THRB: variants seen among roughly 807,000 people sequenced by gnomAD.
THRB encodes the protein nuclear receptor subfamily 1 group A member 2.
A neutral mutation model predicts 47.8 loss-of-function variants in THRB; 12 were observed. The observed-to-expected ratio is 0.25, with a 90% CI of 0.16 to 0.41. The LOEUF (loss-of-function observed/expected upper bound fraction) is 0.41. THRB is among the 10% of genes least tolerant of loss of function. THRB has a pLI of 1.00. For synonymous variants in THRB, 218 were observed against 212.2 expected (o/e 1.03, Z -0.24); for missense variants, 348 against 589.2 (o/e 0.59, Z 4.24).
At chr3:24,417,510 G>A (rs1473762201) in intron 1 of THRB, among the ~76,000 whole-genome samples, 2 of 151,890 alleles carry the variant, frequency 1.3e-5, no homozygotes, top group Non-Finnish European at 2.9e-5. Flanking sequence ...GACGATTGAT[G>A]TATGATGACC....
chr3:24,317,929 G>A (rs1461600321), intron 2 of THRB, among the ~76,000 whole-genome samples: 1 of 152,080 alleles, frequency 6.6e-6, no homozygotes, highest in African/African-American at 2.4e-5. Flanking sequence ...ATGGTGGTGT[G>A]TGACTGGAGT....
chr3:24,228,273 C>T (rs1374908664), intron 4 of THRB, among the ~76,000 whole-genome samples: 2 of 152,160 alleles, frequency 1.3e-5, no homozygotes, highest in African/African-American at 4.8e-5. Flanking sequence ...CTATTGCAAC[C>T]TTGTATTCCT....
intron 3 of THRB, among the ~76,000 whole-genome samples, chr3:24,290,634 T>G (rs2055827588): frequency 1.3e-5 from 2 of 152,188 alleles, no homozygotes; most frequent in Non-Finnish European, 2.9e-5. Flanking sequence ...TAAAATACCT[T>G]AATTAATTAG....
chr3:24,266,054 T>C (rs1315206830), intron 3 of THRB, among the ~76,000 whole-genome samples: 2 of 152,226 alleles, frequency 1.3e-5, no homozygotes, highest in African/African-American at 4.8e-5. Context: ...GGCATTGAAA[T>C]TTTAATCTTC....
chr3:24,172,310 G>A (rs578216322), intron 5 of THRB, among the ~76,000 whole-genome samples: 1 of 152,190 alleles, frequency 6.6e-6, no homozygotes, highest in Admixed American at 6.5e-5. Flanking sequence ...TACCAACGAG[G>A]AAAGCTGCCG....
rs547369385 is a variant in THRB, at chr3:24,393,443, T to C, written c.-260-56072A>G. 1.4e-4 allele frequency among the ~76,000 whole-genome samples: 21 copies of C among 152,186 alleles called. No individual in the cohort carries two copies. In the South Asian group the frequency reaches 3.1e-3, roughly 23 times the overall value. On this transcript the variant is annotated intron_variant, in intron 1 of 10. Transcript: ENST00000646209. ...TCACAGAAAAGTAGCTGAGGGGAGT[T>C]TGGGCTTAGGTTCAGCTTCTTGGCC... is the stretch of plus-strand genomic sequence containing the variant.
chr3:24,360,440 C>T (rs943888381), intron 1 of THRB, among the ~76,000 whole-genome samples: 8 of 152,262 alleles, frequency 5.3e-5, no homozygotes, highest in Admixed American at 2.0e-4. Context: ...GCATTTAATA[C>T]GCAGGCGATG....
At chr3:24,387,441 A>G (rs2066212785) in intron 1 of THRB, among the ~76,000 whole-genome samples, 1 of 152,148 alleles carries the variant, frequency 6.6e-6, no homozygotes, top group African/African-American at 2.4e-5. Flanking sequence ...CACAAAGAGT[A>G]TTATAATTGT....
intron 3 of THRB, among the ~76,000 whole-genome samples, chr3:24,255,223 C>T (rs907497735): frequency 2.6e-4 from 40 of 152,160 alleles, no homozygotes; most frequent in African/African-American, 9.4e-4. Context: ...GTTTGTCTAT[C>T]CATGTATCTA....
chr3:24,397,117 AAAAAGAC>A (rs781170023), intron 1 of THRB, among the ~76,000 whole-genome samples: 1 of 152,138 alleles, frequency 6.6e-6, no homozygotes, highest in Non-Finnish European at 1.5e-5. Flanking sequence ...TTAGTGACAT[AAAAAGAC>A]AAAATATTTT....
chr3:24,137,538 C>T (rs574453006), intron 8 of THRB, among the ~76,000 whole-genome samples: 2 of 152,090 alleles, frequency 1.3e-5, no homozygotes, highest in Non-Finnish European at 2.9e-5. Context: ...AGTAGCTTTC[C>T]TTAGGGCCAG....
At chr3:24,152,007 C>T (rs1202325409) in intron 6 of THRB, among the ~76,000 whole-genome samples, 1 of 152,080 alleles carries the variant, frequency 6.6e-6, no homozygotes, top group Non-Finnish European at 1.5e-5. Context: ...CTGTCTCCTC[C>T]AACACTGTAG....
At chr3:24,243,738 T>A (rs556903198) in intron 3 of THRB, among the ~76,000 whole-genome samples, 1 of 152,116 alleles carries the variant, frequency 6.6e-6, no homozygotes, top group East Asian at 1.9e-4. Flanking sequence ...GACTGTTTTT[T>A]CTCCCTCTGC....
chr3:24,330,164 G>A (rs1304857545), intron 2 of THRB, among the ~76,000 whole-genome samples: 7 of 151,778 alleles, frequency 4.6e-5, no homozygotes, highest in South Asian at 4.2e-4. Context: ...AAAATTAGCC[G>A]GGCGCGGTGG....
rs1448028275 is a variant in THRB at position 24,121,814 on chromosome 3, G to A, written c.*1070C>T. 1 of 152,354 alleles carries A rather than the reference G, an allele frequency of 6.6e-6. No individual in the cohort carries two copies. The highest frequency in any genetic ancestry group is 1.5e-5 in the Non-Finnish European group (1 of 68,082). 9.4% of individuals were successfully genotyped at this position (152,354 alleles called of 1,614,324 possible). On this transcript the variant is annotated 3_prime_UTR_variant, in exon 11 of 11. Transcript: ENST00000646209. ...GGAGGAAGCGTCCTCCAGCCATCAGGACACAAAGGGGCCCTCAGAACACTG... is the reference window on the plus strand; with the variant it reads ...GGAGGAAGCGTCCTCCAGCCATCAGAACACAAAGGGGCCCTCAGAACACTG...
chr3:24,178,385 G>C (rs1163541991), intron 5 of THRB, among the ~76,000 whole-genome samples: 1 of 152,106 alleles, frequency 6.6e-6, no homozygotes, highest in Non-Finnish European at 1.5e-5. Flanking sequence ...CCAGAGCAAA[G>C]GAGGCCAAGG....
intron 3 of THRB, among the ~76,000 whole-genome samples, chr3:24,246,258 C>T (rs1455850261): frequency 6.6e-6 from 1 of 152,098 alleles, no homozygotes; most frequent in Non-Finnish European, 1.5e-5. Flanking sequence ...GACCTAATTC[C>T]GTAGGGTCCT....
chr3:24,342,715 C>T (rs1194486834), intron 1 of THRB, among the ~76,000 whole-genome samples: 1 of 151,952 alleles, frequency 6.6e-6, no homozygotes, highest in Non-Finnish European at 1.5e-5. Context: ...GTGCAAGGTA[C>T]CATACAAGGT....
At chr3:24,159,987 G>T (rs534610687) in intron 5 of THRB, among the ~76,000 whole-genome samples, 4 of 152,308 alleles carry the variant, frequency 2.6e-5, no homozygotes, top group Admixed American at 6.5e-5. Flanking sequence ...AAGGATATCT[G>T]CCTTTGAAGG....
Sources: gnomAD v4.1 joint callset for allele counts (sites outside exome capture counted in the v4.1 genomes callset) on GRCh38, gnomAD v4.1.1 for gene constraint, MANE v1.5 for transcripts, NCBI Gene and HGNC (gene_info 2026-07-23, HGNC 2026-07-21) for gene names.